The following COCH variants were observed in gnomAD, a reference collection of about 807,000 sequenced individuals.
COCH encodes the protein coagulation factor C homolog, cochlin (Limulus polyphemus).
COCH carries 40 observed loss-of-function variants against 54.8 expected under a neutral mutation model. The observed-to-expected ratio is 0.73, with a 90% CI of 0.57 to 0.95. The LOEUF (loss-of-function observed/expected upper bound fraction) is 0.95, where lower values mean the gene tolerates loss of function less well. COCH is among the 40% of genes least tolerant of loss of function. The pLI is 0.00. For missense variants in COCH, 605 were observed against 675.0 expected, an observed-to-expected ratio of 0.90 and a Z score of 1.15; for synonymous variants, 256 against 237.9, an observed-to-expected ratio of 1.08 and a Z score of -0.70.
At chr14:30,878,172 A>G (rs1895437456) in intron 4 of COCH, among the ~76,000 whole-genome samples, 1 of 152,220 alleles carries the variant, frequency 6.6e-6, no homozygotes, top group Non-Finnish European at 1.5e-5. Context: ...TAGCCAGTAT[A>G]ATACTTCTAA....
At chr14:30,884,229 G>A (rs1447578350) in intron 8 of COCH, among the ~76,000 whole-genome samples, 1 of 152,170 alleles carries the variant, frequency 6.6e-6, no homozygotes, top group South Asian at 2.1e-4. Context: ...CTCCCTAAAT[G>A]CTCTGAGACT....
At chr14:30,885,371 G>C in intron 9 of COCH, 23 bp from the exon 10 acceptor site, 1 of 1,577,738 alleles carries the variant, frequency 6.3e-7, no homozygotes, top group South Asian at 1.1e-5. Flanking sequence ...AAGGCTATTT[G>C]TTTGCTTCTT....
At position 30,884,640 on chromosome 14, in the gene COCH, G is replaced by A. The variant is rs200392534; in HGVS notation, c.717G>A (p.Gly239=). Residue 239 remains glycine, a synonymous_variant, in exon 9 of 12, where the codon GGG becomes GGA. Transcript: ENST00000396618. The part of the protein sequence containing the change: ...LFAIKEVGFR[G]GNSNTGKALK... ...CCATAAAGGAAGTAGGTTTCAGAGGGGGTAATTCCAATACAGGTAAGTAGA... is the reference window on the plus strand; with the variant it reads ...CCATAAAGGAAGTAGGTTTCAGAGGAGGTAATTCCAATACAGGTAAGTAGA... The A allele has an allele frequency of 3.2e-5, 52 of 1,611,304 alleles. No homozygotes were observed. The highest frequency in any genetic ancestry group is 4.2e-5 in the Non-Finnish European group (49 of 1,177,622).
intron 11 of COCH, among the ~76,000 whole-genome samples, chr14:30,886,892 A>AT (rs1243947324): frequency 1.3e-5 from 2 of 152,068 alleles, no homozygotes; most frequent in South Asian, 2.1e-4. Flanking sequence ...TAATTTTTAA[A>AT]TTTTTTTGGG....
rs1186760181 is a variant in COCH, at chr14:30,889,716, G to C, written c.1578G>C (p.Glu526Asp). ...AGTCTCATGCTTTCTTCACAAGAGA[G>C]TTCACAGGATTAGAACCAATTGTTT... ...PKESHAFFTREFTGLEPIVSD... is the reference protein window; with the variant it reads ...PKESHAFFTRDFTGLEPIVSD... The change falls in exon 12 of 12, where the codon GAG becomes GAC. Residue 526 changes from glutamate (E) to aspartate (D), a missense_variant. Transcript: ENST00000396618. 1 of 1,614,104 alleles carries C rather than the reference G, an allele frequency of 6.2e-7. No homozygotes were observed. The highest frequency in any genetic ancestry group is 8.5e-7 in the Non-Finnish European group (1 of 1,179,956).
At chr14:30,891,236 TCCC>T (rs879675027), downstream of COCH, among the ~76,000 whole-genome samples, 5,439 of 152,228 alleles carry the variant, frequency 0.036, 155 homozygotes, top group African/African-American at 0.075. Context: ...ACATCAGGAC[TCCC>T]TTAATGTGAC....
downstream of COCH, among the ~76,000 whole-genome samples, chr14:30,891,216 T>C (rs183412628): frequency 6.6e-6 from 1 of 152,286 alleles, no homozygotes; most frequent in Admixed American, 6.5e-5. Flanking sequence ...TTGGTTCCTA[T>C]GAAAGGAGAA....
At chr14:30,884,976 T>C (rs770311489) in intron 9 of COCH, 29 of 1,598,278 alleles carry the variant, frequency 1.8e-5, no homozygotes, top group Middle Eastern at 3.3e-4. Context: ...ACTTATCTAA[T>C]GAATGCAGAT....
At chr14:30,895,386 T>C, downstream of COCH, 1 of 1,578,910 alleles carries the variant, frequency 6.3e-7, no homozygotes, top group Non-Finnish European at 8.6e-7. Context: ...AAGCAAATCT[T>C]GTTACGATGC....
At chr14:30,893,461 A>C (rs1265437176), downstream of COCH, among the ~76,000 whole-genome samples, 1 of 152,116 alleles carries the variant, frequency 6.6e-6, no homozygotes, top group African/African-American at 2.4e-5. Flanking sequence ...CAAAAACCGC[A>C]ATTACTTTTG....
At chr14:30,883,253 G>A (rs1007939927) in intron 8 of COCH, among the ~76,000 whole-genome samples, 1 of 151,912 alleles carries the variant, frequency 6.6e-6, no homozygotes, top group Admixed American at 6.6e-5. Flanking sequence ...CAGTTTTATT[G>A]CACATTTTAA....
chr14:30,889,706 T>A lies in COCH; in HGVS notation c.1568T>A (p.Phe523Tyr). The A allele has an allele frequency of 6.2e-7, 1 of 1,614,038 alleles. No individual in the cohort carries two copies. The highest frequency in any genetic ancestry group is 8.5e-7 in the Non-Finnish European group (1 of 1,179,874). Residue 523 changes from phenylalanine to tyrosine, a missense_variant, in exon 12 of 12, where the codon TTC becomes TAC. Transcript: ENST00000396618. ...AAACCGAAGGAGTCTCATGCTTTCT[T>A]CACAAGAGAGTTCACAGGATTAGAA... is the stretch of plus-strand genomic sequence containing the variant. ...ASKPKESHAF[F>Y]TREFTGLEPI...
rs1213955426 is a variant in COCH at position 30,879,573 on chromosome 14, A to AAGAAATTTG, written c.436+90_436+98dup. On this transcript the variant is annotated intron_variant, in intron 6 of 11. Coordinates refer to ENST00000396618, the MANE Select transcript of COCH (RefSeq NM_004086.3). ...GTGTTGTTGGTAGAAGCTTTTCTTA[A>AAGAAATTTG]AGAAATTTGATATTAAAGAGAAACA... The AAGAAATTTG allele has an allele frequency of 2.2e-6, 3 of 1,360,272 alleles. No homozygotes were observed. In the African/African-American group the frequency reaches 4.3e-5, roughly 19 times the overall value. The allele number at this position is 1,360,272 out of a possible 1,614,324, so 84.3% of individuals were successfully genotyped here.
intron 11 of COCH, among the ~76,000 whole-genome samples, chr14:30,887,872 T>C (rs969993253): frequency 6.6e-6 from 1 of 152,244 alleles, no homozygotes; most frequent in African/African-American, 2.4e-5. Context: ...TAAAGACCTG[T>C]TTACTATCAT....
At chr14:30,886,868 C>T (rs1228188284) in intron 11 of COCH, among the ~76,000 whole-genome samples, 1 of 152,168 alleles carries the variant, frequency 6.6e-6, no homozygotes, top group Non-Finnish European at 1.5e-5. Context: ...CAGGCACATG[C>T]CACTGCCCCT....
At chr14:30,892,135 A>C (rs1304815900), downstream of COCH, among the ~76,000 whole-genome samples, 1 of 152,216 alleles carries the variant, frequency 6.6e-6, no homozygotes, top group Non-Finnish European at 1.5e-5. Flanking sequence ...CTAATTTCCC[A>C]TGTGTCAAAT....
rs760423119 is a variant in COCH at position 30,880,615 on chromosome 14, T to G, written c.510T>G (p.Ile170Met). 2.9e-5 allele frequency: 47 copies of G among 1,614,190 alleles called. No individual in the cohort carries two copies. The highest frequency in any genetic ancestry group is 3.9e-5 in the Non-Finnish European group (46 of 1,180,038). ...GTAAAGCAGACATTGCATTTCTGATTGATGGAAGCTTTAATATTGGGCAGC... is the reference window on the plus strand; with the variant it reads ...GTAAAGCAGACATTGCATTTCTGATGGATGGAAGCTTTAATATTGGGCAGC... Reference protein sequence around the residue: ...KDCKADIAFLIDGSFNIGQRR... With the variant: ...KDCKADIAFLMDGSFNIGQRR... Residue 170 changes from isoleucine to methionine, a missense_variant, in exon 8 of 12, where the codon ATT becomes ATG. Transcript: ENST00000396618.
At chr14:30,895,360 G>A, downstream of COCH, 2 of 1,533,048 alleles carry the variant, frequency 1.3e-6, no homozygotes, top group South Asian at 1.3e-5. Context: ...CAGTGATGCA[G>A]ACCCTCTTTC....
At chr14:30,880,965 G>A (rs1895559754) in intron 8 of COCH, among the ~76,000 whole-genome samples, 2 of 152,076 alleles carry the variant, frequency 1.3e-5, no homozygotes, top group Admixed American at 6.5e-5. Context: ...TGTAATTCCA[G>A]CACTTTGGAG....
Sources: allele counts gnomAD v4.1 joint callset (sites outside exome capture counted in the v4.1 genomes callset), GRCh38; gene constraint gnomAD v4.1.1; transcripts MANE v1.5; gene names NCBI Gene and HGNC (gene_info 2026-07-23, HGNC 2026-07-21).